SENP8: variants seen among roughly 807,000 people sequenced by gnomAD.
The protein encoded by SENP8 is SUMO peptidase family member, NEDD8 specific.
SENP8 carries 10 observed loss-of-function variants against 14.4 expected under a neutral mutation model. The ratio of observed to expected loss-of-function variants is 0.69; its 90% CI spans 0.43 to 1.18. The LOEUF is 1.18. Among genes scored for constraint, SENP8 ranks in the 50% most tolerant of loss-of-function variants. The pLI, the probability that SENP8 is intolerant of heterozygous loss-of-function variation, is 0.00. For missense variants in SENP8, 202 were observed against 249.4 expected (o/e 0.81, Z 1.28); for synonymous variants, 94 against 95.5 (o/e 0.98, Z 0.09).
At chr15:72,114,497 C>T (rs2080896274), upstream of SENP8, 2 of 152,226 alleles carry the variant, frequency 1.3e-5, no homozygotes. Flanking sequence ...GGGCAATTCC[C>T]AGGTTCCTGA....
At position 72,136,861 on chromosome 15, in the gene SENP8, G is replaced by C. The variant is rs1196063942; in HGVS notation, c.-47-2716G>C. Among the ~76,000 whole-genome samples, 3 of 152,106 alleles carry C rather than the reference G, an allele frequency of 2.0e-5. No individual in the cohort carries two copies. The East Asian group carries it at 5.8e-4, about 29-fold the overall frequency. On this transcript the variant is annotated intron_variant, in intron 1 of 1. Transcript: ENST00000340912. ...TGATTTTCAGAAATATTGTCGTGCT[G>C]CCAGGTCACTGCATAACAGCTAACT...
At chr15:72,131,808 G>A (rs977504969) in intron 1 of SENP8, among the ~76,000 whole-genome samples, 1 of 152,200 alleles carries the variant, frequency 6.6e-6, no homozygotes, top group Non-Finnish European at 1.5e-5. Flanking sequence ...AAGCACAAGA[G>A]CAGAGTCATG....
At chr15:72,115,611 T>C (rs1596621140), upstream of SENP8, among the ~76,000 whole-genome samples, 2 of 152,378 alleles carry the variant, frequency 1.3e-5, no homozygotes, top group Non-Finnish European at 2.9e-5. Context: ...TTTAGTCTTA[T>C]TCTACTCTTC....
intron 1 of SENP8, among the ~76,000 whole-genome samples, chr15:72,123,330 A>G (rs555471017): frequency 4.6e-5 from 7 of 152,306 alleles, no homozygotes; most frequent in Non-Finnish European, 1.5e-5. Flanking sequence ...AGTTCTGTCT[A>G]CACCTTTATA....
upstream of SENP8, chr15:72,117,865 CCT>C (rs1298562556): frequency 7.5e-6 from 3 of 398,630 alleles, no homozygotes. Context: ...CATCCCCCGC[CCT>C]GTCAGAGAGA....
chr15:72,125,518 G>A (rs2081208937), intron 1 of SENP8, among the ~76,000 whole-genome samples: 1 of 151,632 alleles, frequency 6.6e-6, no homozygotes, highest in South Asian at 2.1e-4. Flanking sequence ...AAGGTATGAG[G>A]TAAAACTCTT....
rs994513927 is a variant in SENP8 at position 72,142,385 on chromosome 15, C to G, written c.*2123C>G. The stretch of plus-strand genomic sequence containing the variant: ...AGTTACACACCTGCTTGACCACATA[C>G]CATTCATGTTACATGACACAAAATA... On this transcript the variant is annotated 3_prime_UTR_variant, in exon 2 of 2. Transcript: ENST00000340912. 3 of 152,140 alleles carry G rather than the reference C, an allele frequency of 2.0e-5. No homozygotes were observed. Among genetic ancestry groups the G allele is most frequent in the African/African-American group, 7.2e-5 (3 of 41,424 alleles). 9.4% of individuals were successfully genotyped at this position (152,140 alleles called of 1,614,324 possible). A position where few individuals can be genotyped will look rare whatever the true frequency, so the allele number is the denominator to read the frequency against.
intron 1 of SENP8, among the ~76,000 whole-genome samples, chr15:72,130,593 C>T (rs1476372072): frequency 1.1e-4 from 11 of 97,584 alleles, no homozygotes; most frequent in East Asian, 9.4e-4. Flanking sequence ...GACAGAGTTT[C>T]GCCCTTGTTC....
intron 1 of SENP8, among the ~76,000 whole-genome samples, chr15:72,128,489 A>C (rs2081241475): frequency 6.6e-6 from 1 of 152,242 alleles, no homozygotes; most frequent in Middle Eastern, 3.2e-3. Context: ...TGAATGAAAC[A>C]GAAAAAATTG....
chr15:72,133,986 T>A (rs891284899), intron 1 of SENP8, among the ~76,000 whole-genome samples: 1 of 152,198 alleles, frequency 6.6e-6, no homozygotes, highest in Non-Finnish European at 1.5e-5. Flanking sequence ...TCTCGCTCTG[T>A]CACCCAGGCT....
upstream of SENP8, chr15:72,117,990 T>A: frequency 2.5e-6 from 1 of 399,128 alleles, no homozygotes; most frequent in Non-Finnish European, 4.4e-6. Flanking sequence ...AACTACTGCC[T>A]CCGCCGCCGC....
chr15:72,126,517 C>T (rs183401020), intron 1 of SENP8, among the ~76,000 whole-genome samples: 98 of 152,166 alleles, frequency 6.4e-4, no homozygotes, highest in African/African-American at 2.3e-3. Flanking sequence ...CCCAGCTACT[C>T]GGGAGGCTGA....
intron 1 of SENP8, among the ~76,000 whole-genome samples, chr15:72,136,462 CATGCCATCTTATTAT>C (rs2081328315): frequency 6.6e-6 from 1 of 150,588 alleles, no homozygotes; most frequent in South Asian, 2.1e-4. Flanking sequence ...GATCCTAATT[CATGCCATCTTATTAT>C]ATATTTTTTC....
upstream of SENP8, among the ~76,000 whole-genome samples, chr15:72,115,616 C>G (rs1484798048): frequency 6.6e-6 from 1 of 152,216 alleles, no homozygotes; most frequent in African/African-American, 2.4e-5. Context: ...TCTTATTCTA[C>G]TCTTCAATTC....
Position 72,140,312 on chromosome 15 carries a change from C to G in SENP8, c.*50C>G. On this transcript the variant is annotated 3_prime_UTR_variant, in exon 2 of 2. Transcript: ENST00000340912. ...TGAAGGCTCCTCTTTCTGCCCTTCCCCATTTGTTGGATGGCTGCAATCTCA... is the reference window on the plus strand; with the variant it reads ...TGAAGGCTCCTCTTTCTGCCCTTCCGCATTTGTTGGATGGCTGCAATCTCA... 2 of 1,354,794 alleles carry G rather than the reference C, an allele frequency of 1.5e-6. No homozygotes were observed. The highest frequency in any genetic ancestry group is 2.0e-4 in the Middle Eastern group (1 of 5,016). 83.9% of individuals were successfully genotyped at this position (1,354,794 alleles called of 1,614,324 possible).
chr15:72,118,289 A>AT (rs1378056826), upstream of SENP8: 2 of 277,910 alleles, frequency 7.2e-6, no homozygotes, highest in African/African-American at 2.2e-5. Flanking sequence ...CCCCGCCCAA[A>AT]TTTTTTCTTC....
intron 1 of SENP8, among the ~76,000 whole-genome samples, chr15:72,132,092 C>T (rs1233151507): frequency 1.3e-5 from 2 of 152,042 alleles, no homozygotes; most frequent in Non-Finnish European, 2.9e-5. Flanking sequence ...ATAACTTGCC[C>T]ACGATCACTT....
At chr15:72,129,800 C>G (rs1458459926) in intron 1 of SENP8, among the ~76,000 whole-genome samples, 4 of 151,004 alleles carry the variant, frequency 2.6e-5, no homozygotes, top group Non-Finnish European at 4.4e-5. Flanking sequence ...CGTGATTGCA[C>G]CACTGCATTC....
intron 1 of SENP8, among the ~76,000 whole-genome samples, chr15:72,126,969 T>C (rs2081226786): frequency 6.6e-6 from 1 of 152,190 alleles, no homozygotes; most frequent in African/African-American, 2.4e-5. Flanking sequence ...AGTAGGAAAT[T>C]AGATTAGAAG....
Sources: allele counts gnomAD v4.1 joint callset (sites outside exome capture counted in the v4.1 genomes callset), GRCh38; gene constraint gnomAD v4.1.1; transcripts MANE v1.5; gene names NCBI Gene and HGNC (gene_info 2026-07-23, HGNC 2026-07-21).